The following CYP39A1 variants were observed in gnomAD, a reference collection of about 807,000 sequenced individuals.
CYP39A1 encodes cytochrome P450 family 39 subfamily A member 1, also known as 24-hydroxycholesterol 7-alpha-hydroxylase.
Under a neutral mutation model 58.1 loss-of-function variants are expected in CYP39A1, and 49 were observed. That is an observed-to-expected ratio of 0.84 (90% CI 0.67 to 1.07). CYP39A1 has a LOEUF of 1.07. Among genes scored for constraint, CYP39A1 ranks in the 50% least tolerant of loss-of-function variants. The pLI is 0.00. For synonymous variants in CYP39A1, 209 were observed against 187.6 expected (o/e 1.11, Z -0.93); for missense variants, 531 against 539.4 (o/e 0.98, Z 0.16).
In CYP39A1 at chr6:46,595,876, A is replaced by C. The variant is rs1254330195; in HGVS notation, c.1065+111T>G. On this transcript the variant is annotated intron_variant, in intron 8 of 11. Transcript: ENST00000275016. ...TACAAGACAAATATATAAAATATTTATTTGTCAAGTAAAAATAAATCAAGA... is the reference window on the plus strand; with the variant it reads ...TACAAGACAAATATATAAAATATTTCTTTGTCAAGTAAAAATAAATCAAGA... 4 of 1,043,656 alleles carry C rather than the reference A, an allele frequency of 3.8e-6. No individual in the cohort carries two copies. The East Asian group carries it at 1.0e-4, about 26-fold the overall frequency. The allele number at this position is 1,043,656 out of a possible 1,614,324, so 64.6% of individuals were successfully genotyped here.
At chr6:46,651,847 A>T (rs1762714416) in intron 1 of CYP39A1, among the ~76,000 whole-genome samples, 1 of 152,262 alleles carries the variant, frequency 6.6e-6, no homozygotes, top group African/African-American at 2.4e-5. Flanking sequence ...TAAAGTGCTC[A>T]GACATTTAAA....
intron 7 of CYP39A1, among the ~76,000 whole-genome samples, chr6:46,612,367 G>C (rs1156968635): frequency 6.6e-6 from 1 of 152,178 alleles, no homozygotes; most frequent in Non-Finnish European, 1.5e-5. Context: ...GTTCCAAAAT[G>C]ACATCATCCT....
chr6:46,616,113 C>CTT (rs1554164115), intron 7 of CYP39A1, among the ~76,000 whole-genome samples: 1 of 109,696 alleles, frequency 9.1e-6, no homozygotes, highest in African/African-American at 3.7e-5. Context: ...TTCTTTCTTT[C>CTT]TCTTTCTTTT....
At chr6:46,601,691 ATT>A (rs1258850074) in intron 7 of CYP39A1, among the ~76,000 whole-genome samples, 254 of 149,502 alleles carry the variant, frequency 1.7e-3, no homozygotes, top group Middle Eastern at 0.011. Flanking sequence ...TATTATTATT[ATT>A]ATTATTATTT....
intron 7 of CYP39A1, 114 bp downstream of exon 7, chr6:46,625,304 T>C: frequency 1.5e-6 from 1 of 689,560 alleles, no homozygotes; most frequent in Non-Finnish European, 2.3e-6. Context: ...ACAAATTATG[T>C]TGAATTTTGG....
intron 2 of CYP39A1, among the ~76,000 whole-genome samples, chr6:46,641,256 A>G (rs2150597599): frequency 6.6e-6 from 1 of 152,310 alleles, no homozygotes; most frequent in African/African-American, 2.4e-5. Flanking sequence ...AAATATTTAT[A>G]TTATTTGATC....
intron 2 of CYP39A1, among the ~76,000 whole-genome samples, chr6:46,641,629 A>C (rs1314328195): frequency 5.9e-5 from 9 of 152,224 alleles, no homozygotes; most frequent in East Asian, 5.8e-4. Context: ...AGACAGCCAT[A>C]CTGGAAGCAT....
intron 5 of CYP39A1, among the ~76,000 whole-genome samples, chr6:46,634,426 A>G (rs1022714187): frequency 1.3e-5 from 2 of 152,164 alleles, no homozygotes; most frequent in African/African-American, 4.8e-5. Context: ...AGTTAAGAGT[A>G]CCTATGATTA....
At chr6:46,638,174 CTG>C (rs1776110826) in intron 3 of CYP39A1, among the ~76,000 whole-genome samples, 196 bp from the exon 4 acceptor site, 1 of 152,208 alleles carries the variant, frequency 6.6e-6, no homozygotes, top group African/African-American at 2.4e-5. Context: ...GGAACTGAAA[CTG>C]TGGTTTGATT....
intron 1 of CYP39A1, among the ~76,000 whole-genome samples, chr6:46,650,886 TA>T (rs1762643169): frequency 6.6e-6 from 1 of 151,846 alleles, no homozygotes; most frequent in East Asian, 1.9e-4. Context: ...CACAAGCTTG[TA>T]AAAAAACAGT....
intron 8 of CYP39A1, among the ~76,000 whole-genome samples, chr6:46,594,402 T>G (rs532947392): frequency 2.4e-4 from 36 of 152,038 alleles, no homozygotes; most frequent in African/African-American, 7.5e-4. Flanking sequence ...CTATTTGACT[T>G]CAAAATATAT....
intron 8 of CYP39A1, among the ~76,000 whole-genome samples, chr6:46,592,323 T>A (rs75686200): frequency 1.8e-3 from 272 of 152,288 alleles, no homozygotes; most frequent in African/African-American, 6.3e-3. Context: ...CCTCTGTCAT[T>A]ACTCAACATA....
At chr6:46,599,470 C>T (rs1208093860) in intron 7 of CYP39A1, among the ~76,000 whole-genome samples, 1 of 152,124 alleles carries the variant, frequency 6.6e-6, no homozygotes, top group Non-Finnish European at 1.5e-5. Context: ...AGATGCAGAT[C>T]AGAACAAGCT....
chr6:46,628,040 G>A (rs1432511097), intron 6 of CYP39A1, among the ~76,000 whole-genome samples: 1 of 152,170 alleles, frequency 6.6e-6, no homozygotes, highest in African/African-American at 2.4e-5. Context: ...CATTGTTTTG[G>A]AGAGGTAAGA....
intron 8 of CYP39A1, among the ~76,000 whole-genome samples, chr6:46,594,884 G>T (rs1773051340): frequency 6.6e-6 from 1 of 151,674 alleles, no homozygotes; most frequent in Admixed American, 6.6e-5. Flanking sequence ...AACCTAATGG[G>T]GGAAAATTTT....
In CYP39A1 at chr6:46,636,466, T is replaced by G; in HGVS notation, c.655A>C (p.Lys219Gln). The G allele has an allele frequency of 6.2e-7, 1 of 1,607,832 alleles. No individual in the cohort carries two copies. Among genetic ancestry groups the G allele is most frequent in the Non-Finnish European group, 8.5e-7 (1 of 1,178,260 alleles). ...TCAAACAGTTCCAGGAACCACTTTT[T>G]GGATTTTGACCAGTTTCTACATGAG... ...ECLLRNWSKS[K>Q]KWFLELFEKN... The change falls in exon 5 of 12, where the codon AAA becomes CAA. Residue 219 changes from lysine to glutamine, a missense_variant. Lys to Gln is a moderately conservative substitution (Grantham distance 53). Coordinates refer to ENST00000275016, the MANE Select transcript of CYP39A1 (RefSeq NM_016593.5).
intron 8 of CYP39A1, among the ~76,000 whole-genome samples, chr6:46,588,873 G>T (rs1005808978): frequency 1.3e-5 from 2 of 152,086 alleles, no homozygotes; most frequent in African/African-American, 2.4e-5. Flanking sequence ...TATGACAACA[G>T]ATTTTCATGA....
chr6:46,616,690 C>T (rs888753208), intron 7 of CYP39A1, among the ~76,000 whole-genome samples: 86 of 151,948 alleles, frequency 5.7e-4, no homozygotes, highest in African/African-American at 1.7e-3. Context: ...TGTCATATAA[C>T]GGGAGTGCAA....
At chr6:46,631,914 C>A (rs1421517630) in intron 5 of CYP39A1, among the ~76,000 whole-genome samples, 4 of 152,266 alleles carry the variant, frequency 2.6e-5, no homozygotes, top group African/African-American at 9.6e-5. Context: ...AAAATTCAGA[C>A]ACTGTAACAT....
Sources: gnomAD v4.1 joint callset for allele counts (sites outside exome capture counted in the v4.1 genomes callset) on GRCh38, gnomAD v4.1.1 for gene constraint, MANE v1.5 for transcripts, NCBI Gene and HGNC (gene_info 2026-07-23, HGNC 2026-07-21) for gene names.